The following GOLIM4 variants were observed in gnomAD, a reference collection of about 807,000 sequenced individuals.
The protein encoded by GOLIM4 is 130 kDa golgi-localized phosphoprotein.
In GOLIM4, 71 loss-of-function variants were observed where a neutral mutation model predicts 107.4. The observed-to-expected ratio is 0.66, with a 90% CI of 0.55 to 0.81. The LOEUF (loss-of-function observed/expected upper bound fraction) is 0.81. GOLIM4 is among the 30% of genes least tolerant of loss of function. The pLI is 0.00. For synonymous variants in GOLIM4, 327 were observed against 294.8 expected, an observed-to-expected ratio of 1.11 and a Z score of -1.12; for missense variants, 830 against 826.1, an observed-to-expected ratio of 1.00 and a Z score of -0.06.
At chr3:168,092,162 T>C (rs979749212) in intron 1 of GOLIM4, among the ~76,000 whole-genome samples, 1 of 152,192 alleles carries the variant, frequency 6.6e-6, no homozygotes, top group Non-Finnish European at 1.5e-5. Flanking sequence ...GAAAGCAGTT[T>C]AAAAACTTTA....
intron 12 of GOLIM4, 81 bp downstream of exon 12, chr3:168,027,647 G>T (rs1465638714): frequency 1.2e-6 from 1 of 815,672 alleles, no homozygotes; most frequent in East Asian, 2.4e-5. Flanking sequence ...TGGGGCTGAA[G>T]GCTGGCATCA....
chr3:168,088,495 C>T (rs1282565061), intron 1 of GOLIM4, among the ~76,000 whole-genome samples: 1 of 152,194 alleles, frequency 6.6e-6, no homozygotes, highest in African/African-American at 2.4e-5. Context: ...CAAATTAAAA[C>T]ACGAAGAGGC....
chr3:168,038,362 A>G (rs1047981235), intron 7 of GOLIM4, among the ~76,000 whole-genome samples: 10 of 152,208 alleles, frequency 6.6e-5, no homozygotes, highest in African/African-American at 2.4e-4. Context: ...GTGTTGCACA[A>G]TTAGGGACCA....
chr3:168,024,880 C>T (rs534295610), intron 13 of GOLIM4, 48 bp downstream of exon 13: 2 of 1,548,476 alleles, frequency 1.3e-6, no homozygotes, highest in African/African-American at 1.4e-5. Flanking sequence ...CCAGATGTTT[C>T]TTAAAATAGC....
In GOLIM4 at chr3:168,057,683, CAATA is replaced by C. The variant is rs113668266; in HGVS notation, c.188-9322_188-9319del. Among the ~76,000 whole-genome samples the C allele has an allele frequency of 3.9e-5, 6 of 152,276 alleles. 1 individual carries two copies. The highest frequency in any genetic ancestry group is 1.4e-4 in the African/African-American group (6 of 41,542). ...GGGTGGGGACACAGAGCAAGGCATT[CAATA>C]GATACTTCTTGAATAAATTAATGAG... is the stretch of plus-strand genomic sequence containing the variant. On this transcript the variant is annotated intron_variant, in intron 1 of 15. Coordinates refer to ENST00000470487, the MANE Select transcript of GOLIM4 (RefSeq NM_014498.5).
At chr3:168,054,861 G>A (rs1327446897) in intron 1 of GOLIM4, among the ~76,000 whole-genome samples, 4 of 151,942 alleles carry the variant, frequency 2.6e-5, no homozygotes, top group Non-Finnish European at 4.4e-5. Context: ...TTAATCATGG[G>A]GCAGGTTTTT....
intron 8 of GOLIM4, among the ~76,000 whole-genome samples, chr3:168,035,993 T>C (rs997096930): frequency 3.3e-5 from 5 of 152,210 alleles, no homozygotes; most frequent in South Asian, 2.1e-4. Context: ...CTCATACCCG[T>C]AGGAGTGTCA....
At chr3:168,028,518 G>A (rs564707952) in intron 11 of GOLIM4, among the ~76,000 whole-genome samples, 9 of 152,122 alleles carry the variant, frequency 5.9e-5, no homozygotes, top group Non-Finnish European at 1.0e-4. Context: ...ATGATGATAC[G>A]GGGTAACTTA....
Position 168,041,486 on chromosome 3 carries a change from AAAG to A in GOLIM4, c.518-15_518-13del. ...ATTGTATACAGTCTCTATTTTAGAA[AAAG>A]AAGGATCACACATAAAGCCTTGAAA... is the stretch of plus-strand genomic sequence containing the variant. On this transcript the variant is annotated splice_polypyrimidine_tract_variant and intron_variant, in intron 5 of 15. Transcript: ENST00000470487. 2.3e-6 allele frequency: 3 copies of A among 1,328,020 alleles called. No homozygotes were observed. The highest frequency in any genetic ancestry group is 3.2e-6 in the Non-Finnish European group (3 of 925,188). The allele number at this position is 1,328,020 out of a possible 1,614,324, so 82.3% of individuals were successfully genotyped here.
chr3:168,068,990 C>A (rs536377040), intron 1 of GOLIM4, among the ~76,000 whole-genome samples: 14 of 152,134 alleles, frequency 9.2e-5, no homozygotes, highest in African/African-American at 3.1e-4. Flanking sequence ...GAGAATGCCA[C>A]CATGTCCGAC....
rs1403863007 is a variant in GOLIM4, at chr3:168,021,305, A to G, written c.1860+3221T>C. Among the ~76,000 whole-genome samples the G allele has an allele frequency of 2.6e-5, 4 of 152,216 alleles. No homozygotes were observed. The South Asian group carries it at 8.3e-4, about 32-fold the overall frequency. On this transcript the variant is annotated intron_variant, in intron 14 of 15. Transcript: ENST00000470487. ...AGAGATAGATAGAATGTGATGAACA[A>G]AAGGCCTTCAGCAACATTAGCTATA... is the stretch of plus-strand genomic sequence containing the variant.
chr3:168,048,021 TTA>T (rs546043524), intron 2 of GOLIM4, among the ~76,000 whole-genome samples: 189 of 149,326 alleles, frequency 1.3e-3, no homozygotes, highest in African/African-American at 4.3e-3. Flanking sequence ...AGATGAAAAA[TTA>T]TATGTTATTC....
At chr3:168,032,994 G>C (rs1718423339) in intron 8 of GOLIM4, 142 bp from the exon 9 acceptor site, 1 of 641,872 alleles carries the variant, frequency 1.6e-6, no homozygotes, top group Admixed American at 2.9e-5. Flanking sequence ...CTTTATGGCT[G>C]CAATGGAGTC....
Position 168,024,996 on chromosome 3 carries a change from C to T in GOLIM4, c.1723G>A (p.Asp575Asn). Residue 575 changes from aspartate to asparagine, a missense_variant, in exon 13 of 16, where the codon GAT becomes AAT. Coordinates refer to ENST00000470487, the MANE Select transcript of GOLIM4 (RefSeq NM_014498.5). ...CTTTGTTTTTGCTCTTCATTTTCAT[C>T]TGGCAAATTTTCTTCTCTCACTTGC... ...AEQVREENLPDENEEQKQSNQ... is the reference protein window; with the variant it reads ...AEQVREENLPNENEEQKQSNQ... 1.2e-6 allele frequency: 2 copies of T among 1,613,970 alleles called. No individual in the cohort carries two copies. The highest frequency in any genetic ancestry group is 1.7e-6 in the Non-Finnish European group (2 of 1,179,848).
At chr3:168,019,621 T>C (rs1006976512) in intron 14 of GOLIM4, among the ~76,000 whole-genome samples, 1 of 152,214 alleles carries the variant, frequency 6.6e-6, no homozygotes. Flanking sequence ...ACATTCTGAA[T>C]TTATTTGCTT....
At chr3:168,079,160 T>G (rs1161392663) in intron 1 of GOLIM4, among the ~76,000 whole-genome samples, 1 of 152,192 alleles carries the variant, frequency 6.6e-6, no homozygotes, top group African/African-American at 2.4e-5. Context: ...AGAGCATTCA[T>G]AGTGGCAGCA....
intron 14 of GOLIM4, among the ~76,000 whole-genome samples, chr3:168,015,935 A>T (rs1396272953): frequency 7.4e-6 from 1 of 134,418 alleles, no homozygotes; most frequent in Non-Finnish European, 1.5e-5. Flanking sequence ...AACCATAAAA[A>T]CCCTGGAAGA....
chr3:168,047,197 C>T (rs1323315880), intron 2 of GOLIM4, among the ~76,000 whole-genome samples, 198 bp from the exon 3 acceptor site: 1 of 152,170 alleles, frequency 6.6e-6, no homozygotes, highest in Non-Finnish European at 1.5e-5. Flanking sequence ...TCCTCTTTAC[C>T]TTACAGCTGT....
chr3:168,037,035 T>A, intron 7 of GOLIM4, 41 bp from the exon 8 acceptor site: 1 of 1,474,030 alleles, frequency 6.8e-7, no homozygotes, highest in Non-Finnish European at 9.4e-7. Context: ...AATCTATGAA[T>A]GCCCATTCAT....
Sources: gnomAD v4.1 joint callset for allele counts (sites outside exome capture counted in the v4.1 genomes callset) on GRCh38, gnomAD v4.1.1 for gene constraint, MANE v1.5 for transcripts, NCBI Gene and HGNC (gene_info 2026-07-23, HGNC 2026-07-21) for gene names.